Variants in CCDC85C observed in about 807,000 individuals in gnomAD.
CCDC85C encodes the protein coiled-coil domain containing 85C.
A neutral mutation model predicts 38.3 loss-of-function variants in CCDC85C; 18 were observed. That is an observed-to-expected ratio of 0.47 (90% CI 0.33 to 0.70). The LOEUF (loss-of-function observed/expected upper bound fraction) is 0.70, where lower values mean the gene tolerates loss of function less well. CCDC85C is among the 30% of genes least tolerant of loss of function. The pLI is 0.03. For missense variants in CCDC85C, 566 were observed against 621.2 expected (o/e 0.91, Z 0.94); for synonymous variants, 264 against 293.8 (o/e 0.90, Z 1.04).
At chr14:99,564,979 CAG>C (rs1491216137) in intron 1 of CCDC85C, among the ~76,000 whole-genome samples, 11 of 152,344 alleles carry the variant, frequency 7.2e-5, no homozygotes, top group Admixed American at 2.0e-4. Flanking sequence ...GCAGCTGCCA[CAG>C]GGGGCAACCA....
At chr14:99,540,053 CAGG>C (rs1897680737) in intron 1 of CCDC85C, among the ~76,000 whole-genome samples, 1 of 152,084 alleles carries the variant, frequency 6.6e-6, no homozygotes, top group South Asian at 2.1e-4. Context: ...GAGGCTGAAG[CAGG>C]AGAATTGCTT....
chr14:99,552,121 G>A (rs1475394827), intron 1 of CCDC85C, among the ~76,000 whole-genome samples: 2 of 152,194 alleles, frequency 1.3e-5, no homozygotes, highest in Non-Finnish European at 2.9e-5. Context: ...TCAGGAAGGA[G>A]TGGAGGAGGC....
chr14:99,501,183 GA>G lies in CCDC85C; in HGVS notation c.*14062del. ...ATGGTGGTTCAGCGTAGGTCATGAGGAGGAAGAAGGGGTAGGATGTGGACCC... is the reference window on the plus strand; with the variant it reads ...ATGGTGGTTCAGCGTAGGTCATGAGGGGAAGAAGGGGTAGGATGTGGACCC... On this transcript the variant is annotated 3_prime_UTR_variant, in exon 6 of 6. Transcript: ENST00000380243. 3.2e-6 allele frequency: 2 copies of G among 618,890 alleles called. No individual in the cohort carries two copies. Among genetic ancestry groups the G allele is most frequent in the Non-Finnish European group, 5.7e-6 (2 of 349,870 alleles). The allele number at this position is 618,890 out of a possible 1,614,324, so 38.3% of individuals were successfully genotyped here.
intron 1 of CCDC85C, among the ~76,000 whole-genome samples, chr14:99,540,401 C>G (rs1468263007): frequency 1.3e-5 from 2 of 152,144 alleles, no homozygotes; most frequent in Non-Finnish European, 2.9e-5. Context: ...GGGCAGGAGA[C>G]CCCGGGAAGG....
intron 1 of CCDC85C, among the ~76,000 whole-genome samples, chr14:99,590,923 G>C (rs1008313298): frequency 2.6e-5 from 4 of 152,358 alleles, no homozygotes; most frequent in African/African-American, 9.6e-5. Flanking sequence ...CTCAGCTGCA[G>C]TGCTAATGGC....
Position 99,516,411 on chromosome 14 carries a change from C to A in CCDC85C, c.1072-125G>T, listed in dbSNP as rs924071590. ...AGCTGAGGACCCTGAGCCGCTGGGC[C>A]CCTGGGGACAAGCGTGGAAAAAACT... On this transcript the variant is annotated intron_variant, in intron 4 of 5. Coordinates refer to ENST00000380243, the MANE Select transcript of CCDC85C (RefSeq NM_001144995.2). This position sits in a 1 kb window ranked among gnomAD's most constrained non-coding sequence, Gnocchi z 5.5. 1 of 681,650 alleles carries A rather than the reference C, an allele frequency of 1.5e-6. No individual in the cohort carries two copies. The highest frequency in any genetic ancestry group is 2.5e-6 in the Non-Finnish European group (1 of 393,640). 42.2% of individuals were successfully genotyped at this position (681,650 alleles called of 1,614,324 possible). A position where few individuals can be genotyped will look rare whatever the true frequency, so the allele number is the denominator to read the frequency against.
In CCDC85C at chr14:99,501,288, A is replaced by G. The variant is rs2139869954; in HGVS notation, c.*13958T>C. 1 of 1,039,770 alleles carries G rather than the reference A, an allele frequency of 9.6e-7. No homozygotes were observed. Among genetic ancestry groups the G allele is most frequent in the Non-Finnish European group, 1.5e-6 (1 of 660,644 alleles). The allele number at this position is 1,039,770 out of a possible 1,614,324, so 64.4% of individuals were successfully genotyped here. A position where few individuals can be genotyped will look rare whatever the true frequency, so the allele number is the denominator to read the frequency against. On this transcript the variant is annotated 3_prime_UTR_variant, in exon 6 of 6. Coordinates refer to ENST00000380243, the MANE Select transcript of CCDC85C (RefSeq NM_001144995.2). ...GTGCTGAACACGTGGTAGGTTTTTA[A>G]TAAATACTTGATGCTGCCTGTGAAT...
rs1282509865 is a variant in CCDC85C, at chr14:99,511,515, A to G, written c.*3731T>C. The G allele has an allele frequency of 6.6e-6, 1 of 152,596 alleles. No homozygotes were observed. The highest frequency in any genetic ancestry group is 1.5e-5 in the Non-Finnish European group (1 of 68,052). The allele number at this position is 152,596 out of a possible 1,614,324, so 9.5% of individuals were successfully genotyped here. A position where few individuals can be genotyped will look rare whatever the true frequency, so the allele number is the denominator to read the frequency against. On this transcript the variant is annotated 3_prime_UTR_variant, in exon 6 of 6. Coordinates refer to ENST00000380243, the MANE Select transcript of CCDC85C (RefSeq NM_001144995.2). The stretch of plus-strand genomic sequence containing the variant: ...TCCAAATAAAAGCAGTTCTGAAACT[A>G]TCCCTTTCTTTGTTATGGGTGGAAG...
intron 1 of CCDC85C, among the ~76,000 whole-genome samples, chr14:99,602,312 A>C (rs886914168): frequency 2.4e-4 from 36 of 152,354 alleles, no homozygotes; most frequent in Admixed American, 9.8e-4. Context: ...CAGCAGTAAC[A>C]TGGGCGTAGA....
At position 99,603,364 on chromosome 14, in the gene CCDC85C, G is replaced by C; in HGVS notation, c.596C>G (p.Ala199Gly). 7.9e-7 allele frequency: 1 copy of C among 1,260,954 alleles called. No individual in the cohort carries two copies. Among genetic ancestry groups the C allele is most frequent in the Non-Finnish European group, 9.9e-7 (1 of 1,005,528 alleles). 78.1% of individuals were successfully genotyped at this position (1,260,954 alleles called of 1,614,324 possible). Residue 199 changes from alanine to glycine, a missense_variant, in exon 1 of 6, where the codon GCC (alanine) becomes GGC (glycine). Around this residue, in one of 3 missense-constraint regions of CCDC85C, gnomAD observed 269 missense variants for 308.2 expected, o/e 0.87. Transcript: ENST00000380243. This position sits in a 1 kb window ranked among gnomAD's most constrained non-coding sequence, Gnocchi z 7.5. ...ACTGCTGCCGTCGCCCACGTCGCGG[G>C]CCCCCGCGCCGGGCGCGCCACCCGA... The part of the protein sequence containing the change: ...PLSGGAPGAG[A>G]RDVGDGSSTS...
Position 99,510,600 on chromosome 14 carries a change from C to A in CCDC85C, c.*4646G>T. 1.2e-6 allele frequency: 1 copy of A among 864,104 alleles called. No individual in the cohort carries two copies. Among genetic ancestry groups the A allele is most frequent in the Non-Finnish European group, 1.6e-6 (1 of 606,644 alleles). The allele number at this position is 864,104 out of a possible 1,614,324, so 53.5% of individuals were successfully genotyped here. A position where few individuals can be genotyped will look rare whatever the true frequency, so the allele number is the denominator to read the frequency against. On this transcript the variant is annotated 3_prime_UTR_variant, in exon 6 of 6. Transcript: ENST00000380243. ...CTACAACCCCAACTTCCCACCCCCA[C>A]CCCCACGCCTCCCGCCTACCCACGC...
At chr14:99,515,387 C>T (rs367615835) in intron 5 of CCDC85C, 52 bp from the exon 6 acceptor site, 7 of 1,338,406 alleles carry the variant, frequency 5.2e-6, no homozygotes, top group East Asian at 5.0e-5. Context: ...GTCCACCTGC[C>T]GCCTATGCAC....
rs1254622375 is a variant in CCDC85C, at chr14:99,583,858, A to C, written c.793+19309T>G. Among the ~76,000 whole-genome samples the C allele has an allele frequency of 3.9e-5, 6 of 152,030 alleles. No homozygotes were observed. The East Asian group carries it at 1.2e-3, about 29-fold the overall frequency. On this transcript the variant is annotated intron_variant, in intron 1 of 5. Transcript: ENST00000380243. ...TATAACTAACATACACATGTGATAA[A>C]ATCTCATAAAACACTGCACACACAG...
At chr14:99,602,303 A>C (rs1251639156) in intron 1 of CCDC85C, among the ~76,000 whole-genome samples, 2 of 152,258 alleles carry the variant, frequency 1.3e-5, no homozygotes, top group Non-Finnish European at 2.9e-5. Flanking sequence ...CACTGGGCGC[A>C]GCAGTAACAT....
Position 99,603,335 on chromosome 14 carries a change from A to G in CCDC85C, c.625T>C (p.Ser209Pro), listed in dbSNP as rs1287345196. Residue 209 changes from serine to proline, a missense_variant, in exon 1 of 6, where the codon TCC becomes CCC. Around this residue, in one of 3 missense-constraint regions of CCDC85C, gnomAD observed 11 missense variants for 36.6 expected, o/e 0.30. Coordinates refer to ENST00000380243, the MANE Select transcript of CCDC85C (RefSeq NM_001144995.2). This position sits in a 1 kb window ranked among gnomAD's most constrained non-coding sequence, Gnocchi z 7.5. ...GGGCTGCCGCCGCTGCCCGCGCTGG[A>G]CGTACTGCTGCCGTCGCCCACGTCG... ...ARDVGDGSST[S>P]SAGSGGSPDH... 3 of 1,328,852 alleles carry G rather than the reference A, an allele frequency of 2.3e-6. No homozygotes were observed. Among genetic ancestry groups the G allele is most frequent in the Non-Finnish European group, 2.9e-6 (3 of 1,043,288 alleles). The allele number at this position is 1,328,852 out of a possible 1,614,324, so 82.3% of individuals were successfully genotyped here. A position where few individuals can be genotyped will look rare whatever the true frequency, so the allele number is the denominator to read the frequency against.
At chr14:99,550,411 C>T (rs77765836) in intron 1 of CCDC85C, among the ~76,000 whole-genome samples, 181 of 152,264 alleles carry the variant, frequency 1.2e-3, no homozygotes, top group African/African-American at 4.2e-3. Flanking sequence ...CCCTCTGGCC[C>T]CTAGAAGGGA....
Position 99,603,004 on chromosome 14 carries a change from T to G in CCDC85C, c.793+163A>C, listed in dbSNP as rs1456276097. Among the ~76,000 whole-genome samples, 1 of 152,172 alleles carries G rather than the reference T, an allele frequency of 6.6e-6. No individual in the cohort carries two copies. Among genetic ancestry groups the G allele is most frequent in the African/African-American group, 2.4e-5 (1 of 41,442 alleles). On this transcript the variant is annotated intron_variant, in intron 1 of 5. Coordinates refer to ENST00000380243, the MANE Select transcript of CCDC85C (RefSeq NM_001144995.2). This position sits in a 1 kb window ranked among gnomAD's most constrained non-coding sequence, Gnocchi z 7.5. Reference sequence around the variant, plus strand: ...CCCACCACCGCCCAAAGCCCCACTTTGGGTGAGTGCGGGATCCCCTGGCCC... The same window carrying G: ...CCCACCACCGCCCAAAGCCCCACTTGGGGTGAGTGCGGGATCCCCTGGCCC...
chr14:99,520,929 C>T lies in CCDC85C; in HGVS notation c.975+1204G>A, dbSNP rs1191235012. On this transcript the variant is annotated intron_variant, in intron 3 of 5. Transcript: ENST00000380243. This position sits in a 1 kb window ranked among gnomAD's most constrained non-coding sequence, Gnocchi z 4.1. ...TCCTGAACTCTGACAGCATTTTATC[C>T]GCACTCTCAGGCCTTGAGGCTCGGC... Among the ~76,000 whole-genome samples the T allele has an allele frequency of 1.3e-5, 2 of 152,262 alleles. No homozygotes were observed. Among genetic ancestry groups the T allele is most frequent in the Admixed American group, 6.5e-5 (1 of 15,292 alleles).
At chr14:99,543,592 G>C (rs553537048) in intron 1 of CCDC85C, among the ~76,000 whole-genome samples, 1 of 152,254 alleles carries the variant, frequency 6.6e-6, no homozygotes, top group South Asian at 2.1e-4. Flanking sequence ...GAGCAAGCAG[G>C]ACTCTGACAG....
Sources: allele counts gnomAD v4.1 joint callset (sites outside exome capture counted in the v4.1 genomes callset), GRCh38; gene constraint gnomAD v4.1.1; regional missense constraint gnomAD v4.1.1; non-coding constraint Gnocchi (gnomAD v3.1); transcripts MANE v1.5; gene names NCBI Gene and HGNC (gene_info 2026-07-23, HGNC 2026-07-21).